The following SYT1 variants were observed in gnomAD, a reference collection of about 807,000 sequenced individuals.
SYT1 encodes synaptotagmin 1.
A neutral mutation model predicts 44.8 loss-of-function variants in SYT1; 8 were observed. The observed-to-expected ratio is 0.18, with a 90% CI of 0.10 to 0.32. SYT1 has a LOEUF of 0.32. Among genes scored for constraint, SYT1 ranks in the 10% least tolerant of loss-of-function variants. The pLI, the probability that SYT1 is intolerant of heterozygous loss-of-function variation, is 1.00. For synonymous variants in SYT1, 154 were observed against 188.8 expected (o/e 0.82, Z 1.51); for missense variants, 286 against 509.3 (o/e 0.56, Z 4.22).
At chr12:79,294,835 GT>G (rs1879801174) in intron 6 of SYT1, among the ~76,000 whole-genome samples, 1 of 150,688 alleles carries the variant, frequency 6.6e-6, no homozygotes, top group South Asian at 2.1e-4. Context: ...ATCTGTCTGT[GT>G]TTTGTTTACC....
chr12:79,242,229 A>G (rs1245805), intron 4 of SYT1, among the ~76,000 whole-genome samples: 117,073 of 152,194 alleles, frequency 0.77, 46,085 homozygotes, highest in African/African-American at 0.94. Flanking sequence ...CGAATGCTGC[A>G]ATGACTTTAC....
intron 1 of SYT1, among the ~76,000 whole-genome samples, chr12:78,891,701 G>A (rs1875059734): frequency 6.6e-6 from 1 of 151,838 alleles, no homozygotes; most frequent in African/African-American, 2.4e-5. Context: ...ACTTTGTCAG[G>A]GATGTCTTGA....
intron 9 of SYT1, among the ~76,000 whole-genome samples, chr12:79,418,775 G>A (rs1868913008): frequency 6.6e-6 from 1 of 152,148 alleles, no homozygotes; most frequent in African/African-American, 2.4e-5. Flanking sequence ...TTCCAACCGT[G>A]GTAACCAATG....
At chr12:79,301,015 G>A (rs556988751) in intron 8 of SYT1, among the ~76,000 whole-genome samples, 206 of 151,202 alleles carry the variant, frequency 1.4e-3, no homozygotes, top group African/African-American at 4.7e-3. Context: ...AAAAAAATTC[G>A]ATCATTCAGT....
chr12:79,249,337 C>G (rs1270606395), intron 4 of SYT1, among the ~76,000 whole-genome samples: 1 of 151,644 alleles, frequency 6.6e-6, no homozygotes, highest in Non-Finnish European at 1.5e-5. Context: ...ATCTCCTGAC[C>G]TCATGATCCA....
chr12:79,000,334 C>A (rs1470674306), intron 2 of SYT1, among the ~76,000 whole-genome samples: 2 of 138,286 alleles, frequency 1.4e-5, no homozygotes, highest in South Asian at 4.4e-4. Context: ...GCTCTAGTTG[C>A]CCAGCGTGGA....
chr12:79,349,433 G>A (rs1303039102), intron 8 of SYT1, among the ~76,000 whole-genome samples: 1 of 152,124 alleles, frequency 6.6e-6, no homozygotes, highest in African/African-American at 2.4e-5. Flanking sequence ...ATGGCCAGCT[G>A]GGATATTAGT....
intron 2 of SYT1, among the ~76,000 whole-genome samples, chr12:79,039,823 C>T (rs960726936): frequency 2.2e-5 from 3 of 138,234 alleles, no homozygotes; most frequent in African/African-American, 8.2e-5. Context: ...CTTCCTGTGT[C>T]CATGTGATCT....
At chr12:79,444,707 C>T (rs1251876104) in intron 10 of SYT1, among the ~76,000 whole-genome samples, 1 of 152,050 alleles carries the variant, frequency 6.6e-6, no homozygotes, top group African/African-American at 2.4e-5. Context: ...ATCCAGCTTC[C>T]TGTGTCTGAG....
At chr12:79,079,768 G>A (rs1876900370) in intron 3 of SYT1, among the ~76,000 whole-genome samples, 1 of 151,956 alleles carries the variant, frequency 6.6e-6, no homozygotes. Flanking sequence ...AGTTGACATT[G>A]ACCAAAATAA....
intron 1 of SYT1, among the ~76,000 whole-genome samples, chr12:78,879,739 C>T (rs934436045): frequency 2.0e-5 from 3 of 151,820 alleles, no homozygotes; most frequent in Non-Finnish European, 4.4e-5. Context: ...AATCTATTAT[C>T]CTTAACTTGA....
At chr12:79,088,824 G>T (rs2137990249) in intron 3 of SYT1, among the ~76,000 whole-genome samples, 1 of 149,932 alleles carries the variant, frequency 6.7e-6, no homozygotes, top group Middle Eastern at 3.4e-3. Context: ...TCAAAATCTG[G>T]ATATATTTTG....
At chr12:78,978,730 T>A (rs915055856) in intron 2 of SYT1, among the ~76,000 whole-genome samples, 8 of 152,200 alleles carry the variant, frequency 5.3e-5, no homozygotes, top group Non-Finnish European at 1.0e-4. Flanking sequence ...AAGAATAGCC[T>A]TTCACATTAC....
chr12:79,120,228 A>G (rs986580192), intron 3 of SYT1, among the ~76,000 whole-genome samples: 2 of 152,148 alleles, frequency 1.3e-5, no homozygotes, highest in African/African-American at 4.8e-5. Context: ...ATTAATTTAT[A>G]TATCAGTTAT....
chr12:79,014,139 G>GAAAAAAAAAAAAAAAA (rs1170016597), intron 2 of SYT1, among the ~76,000 whole-genome samples: 3 of 90,386 alleles, frequency 3.3e-5, no homozygotes, highest in Non-Finnish European at 6.7e-5. Context: ...AAAAAAAAAA[G>GAAAAAAAAAAAAAAAA]AAAAAAAAAA....
intron 1 of SYT1, among the ~76,000 whole-genome samples, chr12:78,931,254 G>A (rs12828178): frequency 5.5e-3 from 287 of 52,156 alleles, no homozygotes; most frequent in South Asian, 0.011. Flanking sequence ...AAGGAAGGAA[G>A]GAAGGAAGGA....
intron 2 of SYT1, among the ~76,000 whole-genome samples, chr12:79,009,673 C>A (rs1165998634): frequency 6.6e-6 from 1 of 152,104 alleles, no homozygotes; most frequent in Non-Finnish European, 1.5e-5. Context: ...TCAACTAGAA[C>A]TGAAATGAAT....
At chr12:79,363,550 C>T (rs1883405886) in intron 9 of SYT1, among the ~76,000 whole-genome samples, 1 of 149,676 alleles carries the variant, frequency 6.7e-6, no homozygotes, top group South Asian at 2.1e-4. Flanking sequence ...CATAGTGGGA[C>T]CCCCATCTCT....
chr12:79,296,624 A>G (rs1041872446), intron 7 of SYT1, among the ~76,000 whole-genome samples: 1 of 152,226 alleles, frequency 6.6e-6, no homozygotes, highest in Non-Finnish European at 1.5e-5. Flanking sequence ...CAATGCTTAA[A>G]TGGTACAAAT....
Sources: allele counts gnomAD v4.1 joint callset (sites outside exome capture counted in the v4.1 genomes callset), GRCh38; gene constraint gnomAD v4.1.1; transcripts MANE v1.5; gene names NCBI Gene and HGNC (gene_info 2026-07-23, HGNC 2026-07-21).